CACNA1A: variants seen among roughly 807,000 people sequenced by gnomAD.
CACNA1A encodes the protein calcium voltage-gated channel subunit alpha1 A, also known as voltage-dependent P/Q-type calcium channel subunit alpha-1A.
Under a neutral mutation model 262.4 loss-of-function variants are expected in CACNA1A, and 57 were observed. The observed-to-expected ratio is 0.22, with a 90% CI of 0.18 to 0.27. The LOEUF is 0.27. Among genes scored for constraint, CACNA1A ranks in the 10% least tolerant of loss-of-function variants. The pLI is 1.00. For missense variants in CACNA1A, 2,526 were observed against 3,562.8 expected (o/e 0.71, Z 7.41); for synonymous variants, 1,431 against 1,419.3 (o/e 1.01, Z -0.18).
Position 13,261,817 on chromosome 19 carries a change from A to C in CACNA1A, c.4090-207T>G, listed in dbSNP as rs2074880. 0.33 allele frequency: 180,792 copies of C among 553,396 alleles called. 31,063 individuals are homozygous for C. Among genetic ancestry groups the C allele is most frequent in the Non-Finnish European group, 0.37 (113,374 of 310,014 alleles). 34.3% of individuals were successfully genotyped at this position (553,396 alleles called of 1,614,324 possible). On this transcript the variant is annotated intron_variant, in intron 25 of 46. Transcript: ENST00000360228. ...TCAATCCTGGCATTCTATGGATCTA[A>C]AACTCCCAGATGGGATACCAGAGAT...
At chr19:13,287,066 T>C in intron 19 of CACNA1A, 100 bp from the exon 20 acceptor site, 1 of 1,072,302 alleles carries the variant, frequency 9.3e-7, no homozygotes, top group Non-Finnish European at 1.3e-6. Context: ...AAGAGTACAA[T>C]TTGGGCTGGG....
intron 3 of CACNA1A, among the ~76,000 whole-genome samples, chr19:13,391,672 G>A (rs1266507656): frequency 1.3e-5 from 2 of 152,082 alleles, no homozygotes. Flanking sequence ...TGAGACAGGA[G>A]GATTGCTTGA....
intron 19 of CACNA1A, among the ~76,000 whole-genome samples, chr19:13,296,762 T>A (rs1600266720): frequency 6.6e-6 from 1 of 152,004 alleles, no homozygotes; most frequent in African/African-American, 2.4e-5. Context: ...TTTCTTTATT[T>A]TTTATTTTAT....
intron 10 of CACNA1A, among the ~76,000 whole-genome samples, chr19:13,328,361 T>C (rs1301717346): frequency 6.6e-6 from 1 of 152,160 alleles, no homozygotes; most frequent in African/African-American, 2.4e-5. Flanking sequence ...GAGTTCTCCA[T>C]TACAAAGAAA....
At chr19:13,249,330 GTCCA>G (rs2056333439) in intron 30 of CACNA1A, among the ~76,000 whole-genome samples, 1 of 151,970 alleles carries the variant, frequency 6.6e-6, no homozygotes, top group Non-Finnish European at 1.5e-5. Context: ...GAGGAAAAAG[GTCCA>G]TTAGTAGGAT....
intron 1 of CACNA1A, among the ~76,000 whole-genome samples, chr19:13,468,742 G>A (rs995643623): frequency 3.3e-5 from 5 of 152,126 alleles, no homozygotes; most frequent in Admixed American, 3.3e-4. Context: ...AGCCAAGATC[G>A]TGCCGCTGCA....
intron 5 of CACNA1A, among the ~76,000 whole-genome samples, chr19:13,360,990 T>G (rs1377251497): frequency 6.6e-6 from 1 of 152,218 alleles, no homozygotes; most frequent in Non-Finnish European, 1.5e-5. Flanking sequence ...TATAGTCAGT[T>G]TTAGTAAATG....
In CACNA1A at chr19:13,357,137, A is replaced by G. The variant is rs545840124; in HGVS notation, c.978+2469T>C. 2.6e-5 allele frequency among the ~76,000 whole-genome samples: 4 copies of G among 152,290 alleles called. No individual in the cohort carries two copies. In the East Asian group the frequency reaches 7.7e-4, roughly 29 times the overall value. ...CAACTAAAACGGGCCTTTGTTGATCAGGATTACAAGGATGAGTTTTTGCAA... is the reference window on the plus strand; with the variant it reads ...CAACTAAAACGGGCCTTTGTTGATCGGGATTACAAGGATGAGTTTTTGCAA... On this transcript the variant is annotated intron_variant, in intron 6 of 46. Transcript: ENST00000360228.
chr19:13,280,295 C>CA (rs1281064585), intron 22 of CACNA1A, among the ~76,000 whole-genome samples: 12 of 151,910 alleles, frequency 7.9e-5, no homozygotes, highest in Non-Finnish European at 1.3e-4. Context: ...CCCACCTCAG[C>CA]CTCCCAAGTG....
chr19:13,439,633 G>A (rs1318660796), intron 3 of CACNA1A, among the ~76,000 whole-genome samples: 3 of 151,456 alleles, frequency 2.0e-5, no homozygotes, highest in Non-Finnish European at 4.4e-5. Context: ...GGATGGTCTC[G>A]ATCTCCTGAT....
chr19:13,211,728 T>C (rs980559611), intron 43 of CACNA1A: 2 of 251,928 alleles, frequency 7.9e-6, no homozygotes, highest in African/African-American at 4.5e-5. Context: ...TGTGTGTGTG[T>C]TTGTGTAGGG....
chr19:13,221,211 T>TC (rs1284278781), intron 38 of CACNA1A, among the ~76,000 whole-genome samples: 5 of 44,162 alleles, frequency 1.1e-4, no homozygotes, highest in Admixed American at 3.1e-4. Context: ...GTCCCATTTG[T>TC]TTTTTCTTTT....
intron 10 of CACNA1A, among the ~76,000 whole-genome samples, chr19:13,325,179 C>CT (rs1568535916): frequency 1.4e-5 from 2 of 138,650 alleles, no homozygotes; most frequent in African/African-American, 5.7e-5. Context: ...TTCTTTCCTC[C>CT]TCTTCTTCTT....
chr19:13,384,731 C>T (rs1294824672), intron 3 of CACNA1A, among the ~76,000 whole-genome samples: 1 of 152,096 alleles, frequency 6.6e-6, no homozygotes, highest in African/African-American at 2.4e-5. Context: ...ATAGCAACAA[C>T]AAAAACACAC....
At chr19:13,310,311 C>T (rs1447571990) in intron 12 of CACNA1A, among the ~76,000 whole-genome samples, 4 of 149,760 alleles carry the variant, frequency 2.7e-5, no homozygotes, top group African/African-American at 7.4e-5. Context: ...CAAAATTAGC[C>T]GGGGGTGGTG....
At chr19:13,342,060 T>G (rs766943832) in intron 6 of CACNA1A, among the ~76,000 whole-genome samples, 1 of 151,974 alleles carries the variant, frequency 6.6e-6, no homozygotes, top group South Asian at 2.1e-4. Flanking sequence ...CTCTGGGGAG[T>G]GGGCTTCTGC....
intron 11 of CACNA1A, among the ~76,000 whole-genome samples, chr19:13,313,343 A>C (rs2058068813): frequency 6.6e-6 from 1 of 152,062 alleles, no homozygotes; most frequent in Non-Finnish European, 1.5e-5. Context: ...TCTACTAAAA[A>C]TACAAAAATT....
chr19:13,317,509 C>A (rs1276354578), intron 10 of CACNA1A, among the ~76,000 whole-genome samples, 188 bp from the exon 11 acceptor site: 1 of 152,140 alleles, frequency 6.6e-6, no homozygotes, highest in Admixed American at 6.6e-5. Context: ...GAAGACAGTG[C>A]CCCTGAAAAA....
intron 1 of CACNA1A, among the ~76,000 whole-genome samples, chr19:13,487,808 T>C (rs1164144460): frequency 6.6e-6 from 1 of 151,806 alleles, no homozygotes; most frequent in African/African-American, 2.4e-5. Flanking sequence ...GCATTTTGGG[T>C]TTCTTTCTTT....
Sources: gnomAD v4.1 joint callset for allele counts (sites outside exome capture counted in the v4.1 genomes callset) on GRCh38, gnomAD v4.1.1 for gene constraint, MANE v1.5 for transcripts, NCBI Gene and HGNC (gene_info 2026-07-23, HGNC 2026-07-21) for gene names.